SOX5: variants seen among roughly 807,000 people sequenced by gnomAD.
SOX5 encodes the protein SRY-box transcription factor 5.
SOX5 carries 9 observed loss-of-function variants against 92.0 expected under a neutral mutation model. That is an observed-to-expected ratio of 0.10 (90% CI 0.06 to 0.17). The LOEUF (loss-of-function observed/expected upper bound fraction) is 0.17, where lower values mean the gene tolerates loss of function less well. Among genes scored for constraint, SOX5 ranks in the 10% least tolerant of loss-of-function variants. The pLI is 1.00. For synonymous variants in SOX5, 344 were observed against 336.3 expected, an observed-to-expected ratio of 1.02 and a Z score of -0.25; for missense variants, 642 against 944.5, an observed-to-expected ratio of 0.68 and a Z score of 4.20.
intron 1 of SOX5, among the ~76,000 whole-genome samples, chr12:24,523,303 G>T (rs1950414507): frequency 1.3e-5 from 2 of 152,128 alleles, no homozygotes; most frequent in Admixed American, 1.3e-4. Context: ...TTGTTAAAGT[G>T]TCCATACTAC....
chr12:24,083,535 G>A (rs1477240056), intron 4 of SOX5, among the ~76,000 whole-genome samples: 2 of 152,062 alleles, frequency 1.3e-5, no homozygotes, highest in Non-Finnish European at 2.9e-5. Flanking sequence ...AAGCACTGTA[G>A]GTGCAGAAAT....
chr12:23,937,873 T>C (rs980377246), intron 1 of SOX5, among the ~76,000 whole-genome samples: 1 of 150,960 alleles, frequency 6.6e-6, no homozygotes, highest in South Asian at 2.1e-4. Flanking sequence ...AGTAATACCA[T>C]TCTTAACGTG....
chr12:23,929,594 A>C (rs1240117817), intron 1 of SOX5, among the ~76,000 whole-genome samples: 1 of 151,984 alleles, frequency 6.6e-6, no homozygotes, highest in Non-Finnish European at 1.5e-5. Context: ...AGAGGAAAAA[A>C]AACAACAACA....
In SOX5 at chr12:23,584,700, G is replaced by C. The variant is rs1025164605; in HGVS notation, c.1165-8862C>G. 3 of 819,812 alleles carry C rather than the reference G, an allele frequency of 3.7e-6. No homozygotes were observed. In the Admixed American group the frequency reaches 5.8e-5, roughly 16 times the overall value. 50.8% of individuals were successfully genotyped at this position (819,812 alleles called of 1,614,324 possible). On this transcript the variant is annotated intron_variant, in intron 9 of 14. Coordinates refer to ENST00000451604, the MANE Select transcript of SOX5 (RefSeq NM_006940.6). ...GATGAGTGAAGGCCAAATTGTCTAA[G>C]GCACAGAACCTTGGAGAAGGACAGG... is the stretch of plus-strand genomic sequence containing the variant.
intron 6 of SOX5, among the ~76,000 whole-genome samples, chr12:23,666,097 A>G (rs995885316): frequency 1.3e-5 from 2 of 151,972 alleles, no homozygotes; most frequent in African/African-American, 2.4e-5. Context: ...AGATTACAGA[A>G]TAGCTAAAAC....
intron 1 of SOX5, among the ~76,000 whole-genome samples, chr12:24,457,084 T>C (rs1596886837): frequency 6.6e-6 from 1 of 152,324 alleles, no homozygotes; most frequent in East Asian, 1.9e-4. Context: ...TAGATTGAAA[T>C]ATAATACTAT....
chr12:24,261,713 C>T (rs116945077), intron 3 of SOX5, among the ~76,000 whole-genome samples: 6 of 152,330 alleles, frequency 3.9e-5, no homozygotes, highest in Admixed American at 6.5e-5. Context: ...CTGAACTACA[C>T]GGTTTTTTCT....
intron 6 of SOX5, among the ~76,000 whole-genome samples, chr12:23,679,885 G>A (rs1264124584): frequency 1.3e-5 from 2 of 151,420 alleles, no homozygotes; most frequent in African/African-American, 4.9e-5. Flanking sequence ...TCAAGGTAGT[G>A]GATAATCAGA....
intron 10 of SOX5, 28 bp from the exon 11 acceptor site, chr12:23,563,431 CTTT>C: frequency 6.2e-7 from 1 of 1,606,918 alleles, no homozygotes; most frequent in Non-Finnish European, 8.5e-7. Flanking sequence ...CAAAGGATAT[CTTT>C]TGTATAAAAG....
At chr12:23,680,676 C>T (rs2086474016) in intron 6 of SOX5, among the ~76,000 whole-genome samples, 1 of 151,632 alleles carries the variant, frequency 6.6e-6, no homozygotes, top group Non-Finnish European at 1.5e-5. Context: ...ACAAGCAGGA[C>T]AAATGAGAGG....
At chr12:23,963,708 T>C (rs976863730) in intron 4 of SOX5, among the ~76,000 whole-genome samples, 1 of 150,382 alleles carries the variant, frequency 6.6e-6, no homozygotes, top group African/African-American at 2.4e-5. Flanking sequence ...AATGGATAGT[T>C]TTTGGATTAG....
At chr12:24,332,035 TG>T (rs1951393011) in intron 2 of SOX5, among the ~76,000 whole-genome samples, 1 of 151,896 alleles carries the variant, frequency 6.6e-6, no homozygotes, top group African/African-American at 2.4e-5. Flanking sequence ...TCTAAGAACC[TG>T]TCAGTTCATC....
intron 4 of SOX5, among the ~76,000 whole-genome samples, chr12:23,999,711 T>C (rs1951412481): frequency 6.6e-6 from 1 of 151,978 alleles, no homozygotes; most frequent in South Asian, 2.1e-4. Flanking sequence ...ATTATAATAC[T>C]ATACAATAAT....
chr12:24,498,005 C>A (rs1199508347), intron 1 of SOX5, among the ~76,000 whole-genome samples: 1 of 152,024 alleles, frequency 6.6e-6, no homozygotes, highest in Non-Finnish European at 1.5e-5. Context: ...GATGAGAACA[C>A]AAGGACACAT....
chr12:24,491,258 T>C lies in SOX5; in HGVS notation c.-251+71071A>G, dbSNP rs571827122. ...AACTTATCTGTAACTCTGACTTGAA[T>C]TGAGCCCTTACATGGAAATTTTTCC... On this transcript the variant is annotated intron_variant, in intron 1 of 4. Transcript: ENST00000446891. 7.3e-4 allele frequency among the ~76,000 whole-genome samples: 111 copies of C among 152,292 alleles called. 3 individuals are homozygous for C. In the South Asian group the frequency reaches 0.019, roughly 26 times the overall value.
Position 23,561,427 on chromosome 12 carries a change from T to C in SOX5, c.1488+1831A>G, listed in dbSNP as rs149972161. 3.5e-4 allele frequency among the ~76,000 whole-genome samples: 53 copies of C among 152,292 alleles called. No individual in the cohort carries two copies. The East Asian group carries it at 9.6e-3, about 28-fold the overall frequency. ...AGTCACTGAAGCCAGCATAAAGTCA[T>C]GTGTTAGAACAACAGCTGATCTGTA... On this transcript the variant is annotated intron_variant, in intron 11 of 14. Coordinates refer to ENST00000451604, the MANE Select transcript of SOX5 (RefSeq NM_006940.6).
intron 4 of SOX5, among the ~76,000 whole-genome samples, chr12:23,976,724 G>A (rs1403900143): frequency 6.6e-6 from 1 of 152,020 alleles, no homozygotes; most frequent in African/African-American, 2.4e-5. Context: ...TATATGCATG[G>A]AGTGTAAGGA....
At chr12:23,811,359 T>C (rs539053004) in intron 3 of SOX5, among the ~76,000 whole-genome samples, 32 of 152,238 alleles carry the variant, frequency 2.1e-4, no homozygotes, top group Admixed American at 4.6e-4. Flanking sequence ...ATAAAATGAA[T>C]TTTTCAGCAG....
At chr12:24,209,841 A>AC (rs1958403647) in intron 4 of SOX5, among the ~76,000 whole-genome samples, 1 of 150,580 alleles carries the variant, frequency 6.6e-6, no homozygotes, top group Non-Finnish European at 1.5e-5. Flanking sequence ...AAACGGTGAA[A>AC]CCCCGTCTCT....
Sources: gnomAD v4.1 joint callset for allele counts (sites outside exome capture counted in the v4.1 genomes callset) on GRCh38, gnomAD v4.1.1 for gene constraint, MANE v1.5 for transcripts, NCBI Gene and HGNC (gene_info 2026-07-23, HGNC 2026-07-21) for gene names.